SLC26A3: variants seen among roughly 807,000 people sequenced by gnomAD.
SLC26A3 encodes the protein chloride anion exchanger.
SLC26A3 carries 64 observed loss-of-function variants against 85.6 expected under a neutral mutation model. The ratio of observed to expected loss-of-function variants is 0.75; its 90% CI spans 0.61 to 0.92. The LOEUF (loss-of-function observed/expected upper bound fraction) is 0.92, where lower values mean the gene tolerates loss of function less well. Ranked by LOEUF, SLC26A3 falls within the 40% of genes least tolerant of loss-of-function variation. The probability of loss-of-function intolerance (pLI) is 0.00; values close to 1 mark genes in which losing one functional copy is unlikely to be tolerated. For synonymous variants in SLC26A3, 349 were observed against 336.0 expected, an observed-to-expected ratio of 1.04 and a Z score of -0.42; for missense variants, 922 against 927.3, an observed-to-expected ratio of 0.99 and a Z score of 0.07.
chr7:107,777,078 T>C lies in SLC26A3; in HGVS notation c.1515-372A>G, dbSNP rs151166727. On this transcript the variant is annotated intron_variant, in intron 13 of 20. Coordinates refer to ENST00000340010, the MANE Select transcript of SLC26A3 (RefSeq NM_000111.3). ...CTTATGACCATTCAGTTTGTCTCTA[T>C]GTTTGATGGGTTCCCAGTAAAAAAT... Among the ~76,000 whole-genome samples the C allele has an allele frequency of 4.8e-3, 731 of 152,324 alleles. 6 individuals carry two copies. Among genetic ancestry groups the C allele is most frequent in the African/African-American group, 0.017 (703 of 41,554 alleles).
intron 18 of SLC26A3, 136 bp from the exon 19 acceptor site, chr7:107,768,044 G>C (rs1163851270): frequency 4.0e-6 from 3 of 756,006 alleles, no homozygotes; most frequent in African/African-American, 1.7e-5. Context: ...GTGGGTTGCA[G>C]TGGTATAATA....
intron 18 of SLC26A3, among the ~76,000 whole-genome samples, chr7:107,771,454 C>T (rs1010299586): frequency 1.3e-5 from 2 of 151,994 alleles, no homozygotes; most frequent in African/African-American, 4.8e-5. Context: ...ATAGAGTGTA[C>T]GGTTGAAGCT....
In SLC26A3 at chr7:107,767,638, C is replaced by CT; in HGVS notation, c.2211dup (p.Asp738ArgfsTer5). 6.2e-7 allele frequency: 1 copy of CT among 1,610,408 alleles called. No homozygotes were observed. Among genetic ancestry groups the CT allele is most frequent in the Non-Finnish European group, 8.5e-7 (1 of 1,177,012 alleles). On this transcript the variant is annotated frameshift_variant, in exon 20 of 21. Coordinates refer to ENST00000340010, the MANE Select transcript of SLC26A3 (RefSeq NM_000111.3). LOFTEE classifies it high-confidence loss of function. ...TTTATGGTAAAATCAATTTTTCCAT[C>CT]TTTTTCCTGAGAAAAAGAGAATGGA...
At chr7:107,769,590 G>A (rs1392405046) in intron 18 of SLC26A3, among the ~76,000 whole-genome samples, 1 of 152,062 alleles carries the variant, frequency 6.6e-6, no homozygotes, top group Non-Finnish European at 1.5e-5. Context: ...GTGAAGGGTG[G>A]GAGGAAGGAA....
intron 2 of SLC26A3, among the ~76,000 whole-genome samples, 190 bp from the exon 3 acceptor site, chr7:107,794,071 T>C (rs1794453225): frequency 6.6e-6 from 1 of 152,226 alleles, no homozygotes; most frequent in African/African-American, 2.4e-5. Context: ...ATGCTTGCTT[T>C]TCTTTAACCA....
chr7:107,793,753 G>C lies in SLC26A3; in HGVS notation c.260C>G (p.Ala87Gly). 1 of 1,613,814 alleles carries C rather than the reference G, an allele frequency of 6.2e-7. No individual in the cohort carries two copies. Residue 87 changes from alanine (A) to glycine (G), a missense_variant, in exon 3 of 21, where the codon GCC (alanine) becomes GGC (glycine). By Grantham distance (60) the Ala-to-Gly change is moderately conservative. Coordinates refer to ENST00000340010, the MANE Select transcript of SLC26A3 (RefSeq NM_000111.3). ...IVSGISTGIV[A>G]VLQGLAFALL... ...AAAAAAAATTTTACCTTGTAGTACG[G>C]CCACAATCCCTGTGCTGATACCAGA...
At chr7:107,776,783 G>GTTTGGTTAGTTTTA in intron 13 of SLC26A3, 77 bp from the exon 14 acceptor site, 36 of 1,301,272 alleles carry the variant, frequency 2.8e-5, no homozygotes, top group Middle Eastern at 2.6e-4. Flanking sequence ...ACTTTTTCCA[G>GTTTGGTTAGTTTTA]CATACCAAAG....
At chr7:107,793,988 G>T in intron 2 of SLC26A3, 107 bp from the exon 3 acceptor site, 3 of 1,385,354 alleles carry the variant, frequency 2.2e-6, no homozygotes, top group Non-Finnish European at 3.0e-6. Context: ...GATTAAACTA[G>T]TAATTTCACT....
At chr7:107,794,006 A>G in intron 2 of SLC26A3, 125 bp from the exon 3 acceptor site, 1 of 1,264,240 alleles carries the variant, frequency 7.9e-7, no homozygotes, top group Non-Finnish European at 1.1e-6. Flanking sequence ...ACTCCCAGTA[A>G]CATTCTTTAC....
chr7:107,781,138 T>G (rs1794209107), intron 11 of SLC26A3, among the ~76,000 whole-genome samples: 1 of 152,140 alleles, frequency 6.6e-6, no homozygotes, highest in Non-Finnish European at 1.5e-5. Flanking sequence ...AAGTAAAGAT[T>G]ACAGAGCATT....
chr7:107,779,063 A>G (rs777868780), intron 12 of SLC26A3, among the ~76,000 whole-genome samples: 7 of 152,202 alleles, frequency 4.6e-5, no homozygotes, highest in Non-Finnish European at 8.8e-5. Context: ...GATTTAATTA[A>G]TGGTTGCTAT....
intron 9 of SLC26A3, 42 bp downstream of exon 9, chr7:107,783,163 T>G (rs757661829): frequency 8.1e-6 from 13 of 1,614,046 alleles, no homozygotes; most frequent in Middle Eastern, 1.6e-4. Flanking sequence ...AAAATATTAT[T>G]TAAAGTTGCC....
chr7:107,795,633 AT>A (rs967714825), intron 1 of SLC26A3, among the ~76,000 whole-genome samples: 7 of 152,150 alleles, frequency 4.6e-5, no homozygotes, highest in African/African-American at 1.7e-4. Flanking sequence ...TGGTACCTGC[AT>A]TTTCAGACTT....
chr7:107,776,736 T>C, intron 13 of SLC26A3, 30 bp from the exon 14 acceptor site: 1 of 1,598,524 alleles, frequency 6.3e-7, no homozygotes, highest in Non-Finnish European at 8.6e-7. Flanking sequence ...AAGTAAATCA[T>C]TCATGTATGT....
At chr7:107,774,246 G>C in intron 16 of SLC26A3, 93 bp from the exon 17 acceptor site, 1 of 1,017,540 alleles carries the variant, frequency 9.8e-7, no homozygotes, top group Non-Finnish European at 1.5e-6. Flanking sequence ...CACTGATTCT[G>C]AGTTGAGCCA....
chr7:107,778,134 G>C, intron 13 of SLC26A3, 41 bp downstream of exon 13: 2 of 1,382,546 alleles, frequency 1.4e-6, no homozygotes, highest in African/African-American at 1.4e-5. Context: ...GATTTGGGCA[G>C]GTCCAAGCCT....
At chr7:107,786,733 C>T in intron 8 of SLC26A3, 94 bp downstream of exon 8, 1 of 1,028,370 alleles carries the variant, frequency 9.7e-7, no homozygotes, top group Non-Finnish European at 1.5e-6. Flanking sequence ...GGGTTACCTG[C>T]AGGCTGAACT....
chr7:107,766,138 T>A (rs1793911169), intron 20 of SLC26A3, among the ~76,000 whole-genome samples: 1 of 152,218 alleles, frequency 6.6e-6, no homozygotes, highest in Admixed American at 6.5e-5. Flanking sequence ...CAAAGGACTA[T>A]GTGTGTTGGC....
intron 8 of SLC26A3, among the ~76,000 whole-genome samples, chr7:107,784,585 C>T (rs1794262444): frequency 6.6e-6 from 1 of 152,168 alleles, no homozygotes; most frequent in Admixed American, 6.5e-5. Flanking sequence ...GTGTGTGCCA[C>T]CACGCCCAGC....
Sources: gnomAD v4.1 joint callset for allele counts (sites outside exome capture counted in the v4.1 genomes callset) on GRCh38, gnomAD v4.1.1 for gene constraint, MANE v1.5 for transcripts, NCBI Gene and HGNC (gene_info 2026-07-23, HGNC 2026-07-21) for gene names.